The following USP28 variants were observed in gnomAD, a reference collection of about 807,000 sequenced individuals.
The protein encoded by USP28 is ubiquitin carboxyl-terminal hydrolase 28.
A neutral mutation model predicts 145.0 loss-of-function variants in USP28; 113 were observed. The observed-to-expected ratio is 0.78, with a 90% confidence interval of 0.67 to 0.91. The LOEUF is 0.91. Among genes scored for constraint, USP28 ranks in the 40% least tolerant of loss-of-function variants. The pLI is 0.00. For synonymous variants in USP28, 447 were observed against 450.9 expected, an observed-to-expected ratio of 0.99 and a Z score of 0.11; for missense variants, 1,201 against 1,289.6, an observed-to-expected ratio of 0.93 and a Z score of 1.05.
chr11:113,874,018 G>C (rs1949093899), intron 1 of USP28, among the ~76,000 whole-genome samples: 1 of 151,744 alleles, frequency 6.6e-6, no homozygotes, highest in African/African-American at 2.4e-5. Flanking sequence ...GCACGCGCCT[G>C]TAGTCCCAGC....
chr11:113,807,146 C>A lies in USP28; in HGVS notation c.2305-562G>T, dbSNP rs541577981. On this transcript the variant is annotated intron_variant, in intron 18 of 24. Coordinates refer to ENST00000003302, the Ensembl canonical transcript of USP28. ...GGAGTGCAATGGCGTGATCTCAGCT[C>A]ACTGCAACCTCCGCCTCCCGGGTTC... 2.6e-5 allele frequency among the ~76,000 whole-genome samples: 4 copies of A among 151,872 alleles called. No homozygotes were observed. In the East Asian group the frequency reaches 7.8e-4, roughly 29 times the overall value.
At chr11:113,814,262 A>T (rs569213213) in intron 14 of USP28, among the ~76,000 whole-genome samples, 5 of 152,292 alleles carry the variant, frequency 3.3e-5, no homozygotes, top group African/African-American at 1.2e-4. Context: ...CTCAGACAGG[A>T]TCTGAAATGA....
chr11:113,836,771 C>T (rs963044762), intron 5 of USP28, among the ~76,000 whole-genome samples: 1 of 152,154 alleles, frequency 6.6e-6, no homozygotes, highest in Non-Finnish European at 1.5e-5. Context: ...CAGAGGGAGA[C>T]TCTTAATACT....
At chr11:113,805,762 T>A (rs994785052) in intron 19 of USP28, among the ~76,000 whole-genome samples, 3 of 152,160 alleles carry the variant, frequency 2.0e-5, no homozygotes, top group Non-Finnish European at 4.4e-5. Flanking sequence ...TAACTCAGTG[T>A]TACTAACAGA....
chr11:113,875,507 A>G (rs1949296294), exon 1 of USP28: 1 of 1,169,324 alleles, frequency 8.6e-7, no homozygotes, highest in Non-Finnish European at 1.1e-6. Flanking sequence ...GTCATGGCCG[A>G]GGCGCCCAGC....
chr11:113,853,437 C>T (rs1225213884), intron 2 of USP28, among the ~76,000 whole-genome samples: 1 of 151,878 alleles, frequency 6.6e-6, no homozygotes, highest in East Asian at 1.9e-4. Context: ...ACCCCATGTA[C>T]CTATCACTCA....
At chr11:113,853,878 C>A (rs1431252840) in intron 2 of USP28, among the ~76,000 whole-genome samples, 234 of 123,074 alleles carry the variant, frequency 1.9e-3, no homozygotes, top group Middle Eastern at 4.4e-3. Context: ...GACTCCATCT[C>A]AAAAAAAAAA....
rs763636306 is a variant in USP28, at chr11:113,835,936, C to T, written c.535-1601G>A. 3.2e-4 allele frequency among the ~76,000 whole-genome samples: 49 copies of T among 152,120 alleles called. 1 individual carries two copies. The highest frequency in any genetic ancestry group is 9.6e-5 in the African/African-American group (4 of 41,496). On this transcript the variant is annotated intron_variant, in intron 5 of 24. Transcript: ENST00000003302. ...TCTCTACTAAAAATACAAAATTAGC[C>T]GGGCATGGTGGCATGCCTATAGTCC...
At chr11:113,871,501 G>A (rs755315556) in intron 1 of USP28, among the ~76,000 whole-genome samples, 3 of 152,076 alleles carry the variant, frequency 2.0e-5, no homozygotes, top group Non-Finnish European at 2.9e-5. Context: ...CGGCTTCTAC[G>A]CACTACATTC....
intron 12 of USP28, chr11:113,821,729 G>C (rs571457461): frequency 2.5e-5 from 5 of 198,338 alleles, no homozygotes; most frequent in African/African-American, 1.2e-4. Flanking sequence ...AGTGCAACTT[G>C]GGTGTCTTGC....
chr11:113,812,346 A>G (rs779077750), exon 16 of USP28: 2 of 1,614,168 alleles, frequency 1.2e-6, no homozygotes, highest in Admixed American at 3.3e-5. Flanking sequence ...TCAGGCCTCC[A>G]TAGGAATCTC....
At chr11:113,870,900 G>A (rs1247736404) in intron 1 of USP28, among the ~76,000 whole-genome samples, 1 of 152,214 alleles carries the variant, frequency 6.6e-6, no homozygotes, top group Non-Finnish European at 1.5e-5. Context: ...AGAGGAGGAA[G>A]GTGGAGACAA....
At chr11:113,801,622 A>T in exon 24 of USP28, 3 of 1,595,952 alleles carry the variant, frequency 1.9e-6, no homozygotes, top group Non-Finnish European at 2.6e-6. Context: ...TAATGCCCTC[A>T]GTTACGGAGT....
At chr11:113,871,689 C>A (rs940590018) in intron 1 of USP28, among the ~76,000 whole-genome samples, 1 of 152,034 alleles carries the variant, frequency 6.6e-6, no homozygotes, top group African/African-American at 2.4e-5. Flanking sequence ...GATGAGATGG[C>A]GTAGGGAGAG....
At chr11:113,800,813 C>A (rs1478206829) in intron 24 of USP28, among the ~76,000 whole-genome samples, 1 of 151,456 alleles carries the variant, frequency 6.6e-6, no homozygotes, top group Non-Finnish European at 1.5e-5. Flanking sequence ...TTCATCAAGG[C>A]ACCCCTCCCA....
intron 13 of USP28, among the ~76,000 whole-genome samples, chr11:113,817,329 G>C (rs1268983096): frequency 1.3e-5 from 2 of 152,230 alleles, no homozygotes; most frequent in Non-Finnish European, 2.9e-5. Flanking sequence ...TGTTTTGGAA[G>C]AGCAGGGCTT....
intron 3 of USP28, among the ~76,000 whole-genome samples, chr11:113,842,174 C>A (rs756187628): frequency 6.6e-6 from 1 of 151,372 alleles, no homozygotes; most frequent in Non-Finnish European, 1.5e-5. Context: ...TAGTTAAGAA[C>A]GGTAAGAGAA....
intron 5 of USP28, among the ~76,000 whole-genome samples, chr11:113,836,558 C>T (rs144856954): frequency 1.3e-4 from 20 of 152,312 alleles, no homozygotes; most frequent in African/African-American, 4.6e-4. Context: ...CAAGTCCTGA[C>T]ATCCTCCTAG....
At chr11:113,868,850 G>A (rs1948546003) in intron 1 of USP28, among the ~76,000 whole-genome samples, 1 of 151,016 alleles carries the variant, frequency 6.6e-6, no homozygotes, top group Non-Finnish European at 1.5e-5. Context: ...TTGGGCCCAG[G>A]AGGTTGAGGC....
Sources: allele counts gnomAD v4.1 joint callset (sites outside exome capture counted in the v4.1 genomes callset), GRCh38; gene constraint gnomAD v4.1.1; transcripts MANE v1.5; gene names NCBI Gene and HGNC (gene_info 2026-07-23, HGNC 2026-07-21).